CAGE1: variants seen among roughly 807,000 people sequenced by gnomAD.
CAGE1 encodes cancer antigen 1.
A neutral mutation model predicts 94.9 loss-of-function variants in CAGE1; 66 were observed. The observed-to-expected ratio is 0.70, with a 90% CI of 0.57 to 0.85. The LOEUF is 0.85. Among genes scored for constraint, CAGE1 ranks in the 40% least tolerant of loss-of-function variants. The pLI is 0.00. For missense variants in CAGE1, 865 were observed against 950.4 expected (o/e 0.91, Z 1.18); for synonymous variants, 319 against 321.0 (o/e 0.99, Z 0.07).
intron 3 of CAGE1, among the ~76,000 whole-genome samples, chr6:7,382,815 CAGG>C (rs1760982927): frequency 6.6e-6 from 1 of 152,014 alleles, no homozygotes; most frequent in Non-Finnish European, 1.5e-5. Context: ...GAGGCCGAGG[CAGG>C]AGAATAGTTT....
At chr6:7,341,799 A>C (rs1581662222) in intron 11 of CAGE1, 1 of 682,322 alleles carries the variant, frequency 1.5e-6, no homozygotes, top group Non-Finnish European at 2.8e-6. Context: ...CATTTAGAAC[A>C]ACCACATTTT....
intron 12 of CAGE1, among the ~76,000 whole-genome samples, chr6:7,330,899 AAC>A (rs1173310495): frequency 5.3e-5 from 8 of 152,348 alleles, no homozygotes; most frequent in African/African-American, 1.7e-4. Context: ...GAACTGGTGA[AAC>A]ACATGTAAAT....
chr6:7,331,500 C>G (rs1384415558), intron 12 of CAGE1: 1 of 424,586 alleles, frequency 2.4e-6, no homozygotes, highest in East Asian at 5.3e-5. Context: ...ACATTTCACA[C>G]CAGTCTCAAT....
intron 11 of CAGE1, among the ~76,000 whole-genome samples, chr6:7,350,398 G>A (rs951431138): frequency 6.6e-6 from 1 of 152,060 alleles, no homozygotes; most frequent in Non-Finnish European, 1.5e-5. Flanking sequence ...ACGATACCTT[G>A]GAACAAATGG....
intron 3 of CAGE1, among the ~76,000 whole-genome samples, chr6:7,380,113 A>C (rs968491539): frequency 6.6e-6 from 1 of 152,088 alleles, no homozygotes; most frequent in Non-Finnish European, 1.5e-5. Flanking sequence ...TTTTTATTAT[A>C]GCAACCTCCA....
At chr6:7,344,644 G>C (rs768069732) in intron 11 of CAGE1, among the ~76,000 whole-genome samples, 2 of 152,220 alleles carry the variant, frequency 1.3e-5, no homozygotes, top group Admixed American at 6.5e-5. Flanking sequence ...CTGCAGCCCC[G>C]GTGCCGGATC....
intron 2 of CAGE1, among the ~76,000 whole-genome samples, chr6:7,386,611 G>C (rs772882756): frequency 1.3e-5 from 2 of 152,278 alleles, no homozygotes; most frequent in East Asian, 1.9e-4. Flanking sequence ...GTGTAAAAAT[G>C]TACCTTGCTC....
intron 11 of CAGE1, chr6:7,341,716 G>A (rs1759184369): frequency 1.4e-6 from 1 of 701,198 alleles, no homozygotes; most frequent in South Asian, 1.4e-5. Flanking sequence ...ACTATAGAAG[G>A]GAGCAGGCGC....
chr6:7,374,059 C>T lies in CAGE1; in HGVS notation c.760G>A (p.Val254Ile), dbSNP rs766314516. Reference sequence around the variant, plus strand: ...GGCCTCTCCACACCCTCTGCTGTGACTTCCTTTTCATAACTGACTGACATC... The same window carrying T: ...GGCCTCTCCACACCCTCTGCTGTGATTTCCTTTTCATAACTGACTGACATC... ...PEMSVSYEKE[V>I]TAEGVERPEI... is the part of the protein sequence containing the mutation. Residue 254 changes from valine (V) to isoleucine (I), a missense_variant, in exon 5 of 14, where the codon GTC becomes ATC. Coordinates refer to ENST00000502583, the MANE Select transcript of CAGE1 (RefSeq NM_001170692.2). 110 of 1,613,886 alleles carry T rather than the reference C, an allele frequency of 6.8e-5. No individual in the cohort carries two copies. The highest frequency in any genetic ancestry group is 8.6e-5 in the Non-Finnish European group (101 of 1,179,900).
At chr6:7,336,880 C>T (rs762356503) in intron 11 of CAGE1, among the ~76,000 whole-genome samples, 1 of 152,116 alleles carries the variant, frequency 6.6e-6, no homozygotes. Flanking sequence ...CTAAAATCTT[C>T]GCCCATTTTT....
At chr6:7,328,984 T>G (rs973454064) in intron 13 of CAGE1, 1 of 167,028 alleles carries the variant, frequency 6.0e-6, no homozygotes, top group Admixed American at 6.9e-5. Context: ...CAGGCTGGAG[T>G]GCGGTGGTAA....
At chr6:7,371,438 T>C (rs1760535816) in intron 5 of CAGE1, among the ~76,000 whole-genome samples, 1 of 151,768 alleles carries the variant, frequency 6.6e-6, no homozygotes, top group South Asian at 2.1e-4. Flanking sequence ...TAAAAGAGGG[T>C]CCACTAAGGA....
At chr6:7,344,907 T>G (rs948605750) in intron 11 of CAGE1, among the ~76,000 whole-genome samples, 56 of 152,290 alleles carry the variant, frequency 3.7e-4, no homozygotes, top group Non-Finnish European at 7.2e-4. Flanking sequence ...GGTGGGGACG[T>G]GCAGAACCTT....
intron 11 of CAGE1, among the ~76,000 whole-genome samples, chr6:7,354,088 AAAAAAAC>A (rs1759873335): frequency 6.6e-6 from 1 of 151,900 alleles, no homozygotes; most frequent in Non-Finnish European, 1.5e-5. Flanking sequence ...AACCTACGGA[AAAAAAAC>A]AAAAAATAAA....
intron 4 of CAGE1, among the ~76,000 whole-genome samples, chr6:7,375,803 T>C (rs1760721456): frequency 6.6e-6 from 1 of 152,182 alleles, no homozygotes; most frequent in Non-Finnish European, 1.5e-5. Flanking sequence ...GACAAGGACT[T>C]CTGTATTTTG....
intron 5 of CAGE1, among the ~76,000 whole-genome samples, chr6:7,372,636 G>A (rs1365623438): frequency 2.6e-5 from 4 of 152,054 alleles, no homozygotes; most frequent in African/African-American, 4.8e-5. Flanking sequence ...CAAACCTGTG[G>A]TGTATTTTCC....
In CAGE1 at chr6:7,389,607, C is replaced by A; in HGVS notation, c.-429G>T. 1 of 346,966 alleles carries A rather than the reference C, an allele frequency of 2.9e-6. No individual in the cohort carries two copies. The highest frequency in any genetic ancestry group is 5.7e-6 in the Non-Finnish European group (1 of 176,484). The allele number at this position is 346,966 out of a possible 1,614,324, so 21.5% of individuals were successfully genotyped here. ...AGCTGGCGCCTCCTGCCGCAGTAAA[C>A]ACAAAGTGGGGTACAGAAACGAAAA... On this transcript the variant is annotated 5_prime_UTR_variant, in exon 1 of 14. Coordinates refer to ENST00000502583, the MANE Select transcript of CAGE1 (RefSeq NM_001170692.2).
At position 7,360,030 on chromosome 6, in the gene CAGE1, C is replaced by A. The variant is rs780721946; in HGVS notation, c.2194-3901G>T. Among the ~76,000 whole-genome samples the A allele has an allele frequency of 2.0e-5, 3 of 152,172 alleles. No homozygotes were observed. The South Asian group carries it at 6.2e-4, about 32-fold the overall frequency. ...CTTTCCAGCTTCTAAAGGCTGCCCA[C>A]ATCTTTGGCTTAGGTCCCCTCTCTT... is the stretch of plus-strand genomic sequence containing the variant. On this transcript the variant is annotated intron_variant, in intron 9 of 13. Coordinates refer to ENST00000502583, the MANE Select transcript of CAGE1 (RefSeq NM_001170692.2).
chr6:7,345,193 G>A (rs1359006151), intron 11 of CAGE1, among the ~76,000 whole-genome samples: 1 of 112,690 alleles, frequency 8.9e-6, no homozygotes, highest in Non-Finnish European at 1.7e-5. Flanking sequence ...GTGAAGGTTT[G>A]TAGTTTCACT....
Sources: allele counts gnomAD v4.1 joint callset (sites outside exome capture counted in the v4.1 genomes callset), GRCh38; gene constraint gnomAD v4.1.1; transcripts MANE v1.5; gene names NCBI Gene and HGNC (gene_info 2026-07-23, HGNC 2026-07-21).